SNX5: variants seen among roughly 807,000 people sequenced by gnomAD.
SNX5 encodes the protein sorting nexin 5.
A neutral mutation model predicts 53.9 loss-of-function variants in SNX5; 31 were observed. The ratio of observed to expected loss-of-function variants is 0.58; its 90% CI spans 0.43 to 0.78. The LOEUF (loss-of-function observed/expected upper bound fraction) is 0.78, where lower values mean the gene tolerates loss of function less well. SNX5 is among the 30% of genes least tolerant of loss of function. The pLI, the probability that SNX5 is intolerant of heterozygous loss-of-function variation, is 0.00. For missense variants in SNX5, 471 were observed against 478.8 expected (o/e 0.98, Z 0.15); for synonymous variants, 168 against 171.1 (o/e 0.98, Z 0.14).
At chr20:17,956,703 A>AAAAT (rs1568594179) in intron 2 of SNX5, among the ~76,000 whole-genome samples, 1 of 117,668 alleles carries the variant, frequency 8.5e-6, no homozygotes, top group African/African-American at 3.0e-5. Context: ...AAAAAAAAAA[A>AAAAT]ACAAAAAAAC....
At chr20:17,948,819 G>T in intron 10 of SNX5, 71 bp downstream of exon 10, 3 of 1,218,820 alleles carry the variant, frequency 2.5e-6, no homozygotes, top group Non-Finnish European at 3.6e-6. Flanking sequence ...CTGCTCCTTT[G>T]TATAAAGAAA....
chr20:17,948,790 A>C, intron 10 of SNX5, 100 bp downstream of exon 10: 1 of 918,308 alleles, frequency 1.1e-6, no homozygotes, highest in Non-Finnish European at 1.7e-6. Context: ...TATAAAAACA[A>C]GTCTGATAAA....
rs183138751 is a variant in SNX5, at chr20:17,956,333, G to A, written c.156+600C>T. Among the ~76,000 whole-genome samples the A allele has an allele frequency of 4.6e-3, 696 of 152,204 alleles. 4 individuals carry two copies. Among genetic ancestry groups the A allele is most frequent in the African/African-American group, 0.016 (672 of 41,536 alleles). ...AGTGTGCTATTCAAGCCGCCCAGGCGTTAAGAAAAAACCACATGGGAAAGG... is the reference window on the plus strand; with the variant it reads ...AGTGTGCTATTCAAGCCGCCCAGGCATTAAGAAAAAACCACATGGGAAAGG... On this transcript the variant is annotated intron_variant, in intron 2 of 12. Coordinates refer to ENST00000377759, the MANE Select transcript of SNX5 (RefSeq NM_014426.4).
Position 17,954,119 on chromosome 20 carries a change from T to G in SNX5, c.268-2A>C. 6.2e-7 allele frequency: 1 copy of G among 1,613,300 alleles called. No homozygotes were observed. Among genetic ancestry groups the G allele is most frequent in the Non-Finnish European group, 8.5e-7 (1 of 1,179,558 alleles). The stretch of plus-strand genomic sequence containing the variant: ...GGGCTTCGTAGGAGCAGGTGGAATC[T>G]GCAGCAGAGGCAGGAACTCATGAGC... On this transcript the variant is annotated splice_acceptor_variant, in intron 3 of 12. Coordinates refer to ENST00000377759, the MANE Select transcript of SNX5 (RefSeq NM_014426.4). LOFTEE classifies it high-confidence loss of function.
intron 1 of SNX5, chr20:17,968,037 C>T: frequency 2.5e-6 from 1 of 398,600 alleles, no homozygotes; most frequent in Non-Finnish European, 4.4e-6. Context: ...TTCACGTTCA[C>T]CTACTGGTCA....
chr20:17,949,107 G>C lies in SNX5; in HGVS notation c.792-4C>G. The C allele has an allele frequency of 6.2e-7, 1 of 1,612,646 alleles. No individual in the cohort carries two copies. Among genetic ancestry groups the C allele is most frequent in the Non-Finnish European group, 8.5e-7 (1 of 1,179,276 alleles). ...CTCAGCAACCTTCAATAGGTACCTG[G>C]AAATGTACATATAATTTTGGTTTAA... On this transcript the variant is annotated splice_polypyrimidine_tract_variant and splice_region_variant and intron_variant, in intron 8 of 12. Transcript: ENST00000377759.
chr20:17,942,911 A>C, intron 12 of SNX5, 199 bp downstream of exon 12: 2 of 459,090 alleles, frequency 4.4e-6, no homozygotes, highest in East Asian at 3.2e-5. Flanking sequence ...AAAAAAAAAA[A>C]AGTTGCTAAA....
intron 1 of SNX5, among the ~76,000 whole-genome samples, chr20:17,960,768 C>A (rs1029570875): frequency 7.4e-6 from 1 of 134,418 alleles, no homozygotes; most frequent in African/African-American, 2.7e-5. Context: ...CAGAGCGAGT[C>A]TCCAAAAAAA....
At chr20:17,949,002 T>G (rs367965951) in intron 9 of SNX5, 26 bp from the exon 10 acceptor site, 25 of 1,609,748 alleles carry the variant, frequency 1.6e-5, no homozygotes, top group Non-Finnish European at 2.0e-5. Context: ...AAGGTCACCA[T>G]CAAGGCAGAA....
At chr20:17,963,230 A>C (rs1318279027) in intron 1 of SNX5, among the ~76,000 whole-genome samples, 1 of 152,206 alleles carries the variant, frequency 6.6e-6, no homozygotes, top group Non-Finnish European at 1.5e-5. Flanking sequence ...CTGTAATCCC[A>C]GCACTTTGGG....
rs370506913 is a variant in SNX5, at chr20:17,952,980, T to C, written c.390-270A>G. ...CTCCTAAATCTACATGCAATTACTG[T>C]TACTTAGTAGCCACAGAACATTTGT... On this transcript the variant is annotated intron_variant, in intron 4 of 12. Coordinates refer to ENST00000377759, the MANE Select transcript of SNX5 (RefSeq NM_014426.4). Among the ~76,000 whole-genome samples, 127 of 152,362 alleles carry C rather than the reference T, an allele frequency of 8.3e-4. No individual in the cohort carries two copies. In the South Asian group the frequency reaches 0.013, roughly 15 times the overall value.
rs1306556533 is a variant in SNX5 at position 17,952,641 on chromosome 20, G to T, written c.459C>A (p.His153Gln). 1 of 1,614,092 alleles carries T rather than the reference G, an allele frequency of 6.2e-7. No homozygotes were observed. The highest frequency in any genetic ancestry group is 1.7e-5 in the Admixed American group (1 of 60,014). ...HEVFLQRLSS[H>Q]PVLSKDRNFH... ...AGTTGCGATCTTTACTGAGAACAGG[G>T]TGAGAAGAAAGCCGCTGAAGAAAGA... The change falls in exon 5 of 13, where the codon CAC becomes CAA. Residue 153 changes from histidine to glutamine, a missense_variant. Physicochemically the swap from His to Gln is conservative, Grantham distance 24 (BLOSUM62 0). Transcript: ENST00000377759.
At chr20:17,955,326 C>A in intron 3 of SNX5, 39 bp downstream of exon 3, 1 of 1,449,030 alleles carries the variant, frequency 6.9e-7, no homozygotes, top group Non-Finnish European at 9.6e-7. Context: ...CATAGCAAGG[C>A]AGAAAGAACT....
At chr20:17,942,498 G>A (rs770181694) in intron 12 of SNX5, 91 bp from the exon 13 acceptor site, 18 of 1,008,526 alleles carry the variant, frequency 1.8e-5, no homozygotes, top group African/African-American at 3.2e-5. Flanking sequence ...GGCTTTTCAC[G>A]GGAGGTTTAA....
Position 17,961,377 on chromosome 20 carries a change from C to A in SNX5, c.52-4340G>T, listed in dbSNP as rs182562863. ...TAAAACTCAGAACCCACCAGGAGAACAGAAAAAATACAGTTTTTTCTAAGT... is the reference window on the plus strand; with the variant it reads ...TAAAACTCAGAACCCACCAGGAGAAAAGAAAAAATACAGTTTTTTCTAAGT... On this transcript the variant is annotated intron_variant, in intron 1 of 12. Transcript: ENST00000377759. 1,838 of 985,374 alleles carry A rather than the reference C, an allele frequency of 1.9e-3. 4 individuals are homozygous for A. The highest frequency in any genetic ancestry group is 2.1e-3 in the Non-Finnish European group (1,740 of 829,912). 61.0% of individuals were successfully genotyped at this position (985,374 alleles called of 1,614,324 possible).
chr20:17,966,578 A>G (rs546939707), intron 1 of SNX5, among the ~76,000 whole-genome samples: 3 of 152,184 alleles, frequency 2.0e-5, no homozygotes, highest in Non-Finnish European at 2.9e-5. Context: ...GTTTTGCTGA[A>G]TTGGCCAAAA....
At chr20:17,950,246 C>T (rs2039546927) in intron 7 of SNX5, 39 bp from the exon 8 acceptor site, 1 of 1,611,948 alleles carries the variant, frequency 6.2e-7, no homozygotes, top group Non-Finnish European at 8.5e-7. Flanking sequence ...CCAAACACAG[C>T]CAGGCTCATC....
At chr20:17,962,857 T>G (rs768852226) in intron 1 of SNX5, 3 of 519,036 alleles carry the variant, frequency 5.8e-6, no homozygotes, top group African/African-American at 5.8e-5. Flanking sequence ...TCAGGCTACA[T>G]AGCCTCAAGT....
rs890972838 is a variant in SNX5 at position 17,949,814 on chromosome 20, C to T, written c.791+318G>A. On this transcript the variant is annotated intron_variant, in intron 8 of 12. Transcript: ENST00000377759. ...GCATTACCAGGCAAAATTGCAAGCA[C>T]CAATTGCCAGGGGAAGATGCAAGAT... 9.9e-5 allele frequency among the ~76,000 whole-genome samples: 15 copies of T among 152,156 alleles called. 1 individual carries two copies. The highest frequency in any genetic ancestry group is 3.6e-4 in the African/African-American group (15 of 41,424).
Sources: gnomAD v4.1 joint callset for allele counts (sites outside exome capture counted in the v4.1 genomes callset) on GRCh38, gnomAD v4.1.1 for gene constraint, MANE v1.5 for transcripts, NCBI Gene and HGNC (gene_info 2026-07-23, HGNC 2026-07-21) for gene names.